SH2D4B: variants seen among roughly 807,000 people sequenced by gnomAD.
SH2D4B encodes the protein SH2 domain-containing protein 4B.
SH2D4B carries 45 observed loss-of-function variants against 61.5 expected under a neutral mutation model. That is an observed-to-expected ratio of 0.73 (90% CI 0.58 to 0.94). SH2D4B has a LOEUF of 0.94. Ranked by LOEUF, SH2D4B falls within the 40% of genes least tolerant of loss-of-function variation. SH2D4B has a pLI of 0.00. For missense variants in SH2D4B, 572 were observed against 574.2 expected, an observed-to-expected ratio of 1.00 and a Z score of 0.04; for synonymous variants, 224 against 220.4, an observed-to-expected ratio of 1.02 and a Z score of -0.14.
chr10:80,568,472 G>T (rs74143176), intron 1 of SH2D4B, among the ~76,000 whole-genome samples: 8,561 of 152,160 alleles, frequency 0.056, 753 homozygotes, highest in African/African-American at 0.19. Context: ...GCAGGGCCTT[G>T]GGCAAACGCA....
At position 80,644,137 on chromosome 10, in the gene SH2D4B, C is replaced by A. The variant is rs1201630153; in HGVS notation, c.*52C>A. On this transcript the variant is annotated 3_prime_UTR_variant, in exon 8 of 8. Transcript: ENST00000646907. ...TTTGGTATCCTGTTTTTGAACTCAGCTTAAGAACTTCTCATCTCAAATCCT... is the reference window on the plus strand; with the variant it reads ...TTTGGTATCCTGTTTTTGAACTCAGATTAAGAACTTCTCATCTCAAATCCT... 4 of 1,425,550 alleles carry A rather than the reference C, an allele frequency of 2.8e-6. No individual in the cohort carries two copies. The Admixed American group carries it at 5.1e-5, about 18-fold the overall frequency. The allele number at this position is 1,425,550 out of a possible 1,614,324, so 88.3% of individuals were successfully genotyped here.
chr10:80,575,228 T>TA (rs1414040799), intron 3 of SH2D4B, among the ~76,000 whole-genome samples: 2 of 151,764 alleles, frequency 1.3e-5, no homozygotes, highest in Non-Finnish European at 2.9e-5. Context: ...TTGGTGAATT[T>TA]AAATGGAGAA....
intron 3 of SH2D4B, among the ~76,000 whole-genome samples, chr10:80,586,967 C>T (rs1000081878): frequency 1.3e-5 from 2 of 151,792 alleles, no homozygotes; most frequent in Admixed American, 6.6e-5. Flanking sequence ...CCTGAGCCAG[C>T]GAGACCACGA....
At chr10:80,570,113 G>A (rs745573435) in intron 1 of SH2D4B, 41 bp from the exon 2 acceptor site, 1 of 1,612,836 alleles carries the variant, frequency 6.2e-7, no homozygotes, top group Non-Finnish European at 8.5e-7. Context: ...CTTACTGATT[G>A]AAAATCAAAC....
chr10:80,642,730 A>T (rs183748214), intron 7 of SH2D4B, among the ~76,000 whole-genome samples: 1 of 152,282 alleles, frequency 6.6e-6, no homozygotes, highest in East Asian at 1.9e-4. Context: ...TGCTGTAGAG[A>T]CTTCCCTGTG....
intron 3 of SH2D4B, 125 bp downstream of exon 3, chr10:80,571,703 A>G: frequency 9.6e-7 from 1 of 1,038,794 alleles, no homozygotes. Context: ...TGAGAATAGA[A>G]ATCTGTAATG....
chr10:80,559,392 G>A (rs756607190), intron 1 of SH2D4B, among the ~76,000 whole-genome samples: 5 of 151,984 alleles, frequency 3.3e-5, no homozygotes, highest in Non-Finnish European at 7.4e-5. Context: ...AAATGTTAAC[G>A]TTAGTGTCTT....
intron 7 of SH2D4B, among the ~76,000 whole-genome samples, chr10:80,635,023 C>T (rs1428883851): frequency 1.3e-5 from 2 of 152,158 alleles, no homozygotes; most frequent in Admixed American, 6.5e-5. Flanking sequence ...TGAGCCAGCA[C>T]CTTAGTCTCA....
chr10:80,616,247 TTGCTAATTTTCTTC>T (rs1842658649), intron 6 of SH2D4B, among the ~76,000 whole-genome samples: 1 of 152,180 alleles, frequency 6.6e-6, no homozygotes, highest in African/African-American at 2.4e-5. Context: ...GCAAGCGAGA[TTGCTAATTTTCTTC>T]TCTTGGGCAG....
intron 3 of SH2D4B, 63 bp from the exon 4 acceptor site, chr10:80,588,567 T>G: frequency 6.3e-7 from 1 of 1,589,210 alleles, no homozygotes; most frequent in Middle Eastern, 1.7e-4. Context: ...CAGAGATATT[T>G]CTTTCTCGTT....
At chr10:80,628,247 G>A (rs1426338986) in intron 6 of SH2D4B, among the ~76,000 whole-genome samples, 7 of 151,876 alleles carry the variant, frequency 4.6e-5, no homozygotes, top group East Asian at 1.9e-4. Flanking sequence ...CCACGTGTTC[G>A]GGAGGGACCC....
intron 4 of SH2D4B, among the ~76,000 whole-genome samples, chr10:80,591,382 G>A (rs1169700309): frequency 3.9e-5 from 6 of 152,078 alleles, no homozygotes; most frequent in Admixed American, 2.6e-4. Context: ...TCTGGAGGCT[G>A]GGAAGTCTGA....
At chr10:80,566,067 G>A (rs1841963864) in intron 1 of SH2D4B, among the ~76,000 whole-genome samples, 1 of 132,342 alleles carries the variant, frequency 7.6e-6, no homozygotes, top group South Asian at 2.6e-4. Context: ...CTCCAGCCTG[G>A]GTGACAGAGC....
intron 1 of SH2D4B, among the ~76,000 whole-genome samples, chr10:80,545,366 CCTT>C (rs886747144): frequency 2.7e-4 from 41 of 152,070 alleles, no homozygotes; most frequent in African/African-American, 9.6e-4. Context: ...CTTTCCTCCT[CCTT>C]CTCCTTCTTT....
intron 1 of SH2D4B, among the ~76,000 whole-genome samples, chr10:80,543,738 C>T (rs1395922055): frequency 2.0e-5 from 3 of 152,150 alleles, no homozygotes; most frequent in Non-Finnish European, 2.9e-5. Context: ...ATACACCAAT[C>T]GGCACTCTGT....
intron 6 of SH2D4B, among the ~76,000 whole-genome samples, chr10:80,612,213 TATAAA>T (rs1231817482): frequency 6.6e-6 from 1 of 151,118 alleles, no homozygotes; most frequent in East Asian, 1.9e-4. Context: ...TTTACTCACT[TATAAA>T]ATCCCAAAGT....
intron 1 of SH2D4B, among the ~76,000 whole-genome samples, chr10:80,549,348 C>T (rs774428348): frequency 5.9e-5 from 9 of 152,160 alleles, no homozygotes; most frequent in Admixed American, 3.3e-4. Context: ...ATGGCCCTGC[C>T]GTGCAGTGGG....
intron 7 of SH2D4B, among the ~76,000 whole-genome samples, chr10:80,635,273 G>A (rs762000408): frequency 2.0e-5 from 3 of 152,174 alleles, no homozygotes; most frequent in South Asian, 2.1e-4. Context: ...TCGTGTGGCC[G>A]TTGGCATCAT....
chr10:80,555,239 C>T (rs1841816222), intron 1 of SH2D4B, among the ~76,000 whole-genome samples: 1 of 152,188 alleles, frequency 6.6e-6, no homozygotes, highest in South Asian at 2.1e-4. Flanking sequence ...TCAATAAGGA[C>T]ATCCTTTAGG....
Sources: gnomAD v4.1 joint callset for allele counts (sites outside exome capture counted in the v4.1 genomes callset) on GRCh38, gnomAD v4.1.1 for gene constraint, MANE v1.5 for transcripts, NCBI Gene and HGNC (gene_info 2026-07-23, HGNC 2026-07-21) for gene names.